PCDHGA9: variants seen among roughly 807,000 people sequenced by gnomAD.
PCDHGA9 encodes protocadherin gamma subfamily A, 9.
PCDHGA9 carries 37 observed loss-of-function variants against 62.5 expected under a neutral mutation model. That is an observed-to-expected ratio of 0.59 (90% CI 0.46 to 0.78). The LOEUF (loss-of-function observed/expected upper bound fraction) is 0.78. Ranked by LOEUF, PCDHGA9 falls within the 30% of genes least tolerant of loss-of-function variation. The pLI is 0.00. For missense variants in PCDHGA9, 1,138 were observed against 1,166.2 expected (o/e 0.98, Z 0.35); for synonymous variants, 459 against 484.6 (o/e 0.95, Z 0.69).
Position 141,476,698 on chromosome 5 carries a change from G to C in PCDHGA9, c.2425-18109G>C, listed in dbSNP as rs2075661. Reference sequence around the variant, plus strand: ...CGCGGGAGGACAGCACCAAGTACGCGGAGCTGGTGTTGGAGCGCGCCCTGG... The same window carrying C: ...CGCGGGAGGACAGCACCAAGTACGCCGAGCTGGTGTTGGAGCGCGCCCTGG... On this transcript the variant is annotated intron_variant, in intron 1 of 3. Transcript: ENST00000573521. The surrounding 1 kb of genome is among the most constrained non-coding windows in gnomAD (Gnocchi z 7.6). The C allele has an allele frequency of 0.2, 326,683 of 1,614,030 alleles. 35,085 individuals carry two copies. Among genetic ancestry groups the C allele is most frequent in the Admixed American group, 0.37 (22,021 of 59,992 alleles).
At chr5:141,464,870 C>G (rs1488189681) in intron 1 of PCDHGA9, among the ~76,000 whole-genome samples, 1 of 152,126 alleles carries the variant, frequency 6.6e-6, no homozygotes, top group Non-Finnish European at 1.5e-5. Flanking sequence ...TCCCAAGTAG[C>G]TAGGACTACA....
chr5:141,481,913 C>CAAAAAAAAAAAAA (rs34114744), intron 1 of PCDHGA9, among the ~76,000 whole-genome samples: 1 of 90,852 alleles, frequency 1.1e-5, no homozygotes. Flanking sequence ...AACTCCATCT[C>CAAAAAAAAAAAAA]AAAAAAAAAA....
Position 141,490,389 on chromosome 5 carries a change from T to C in PCDHGA9, c.2425-4418T>C, listed in dbSNP as rs1221410350. The C allele has an allele frequency of 6.2e-7, 1 of 1,614,174 alleles. No homozygotes were observed. Among genetic ancestry groups the C allele is most frequent in the African/African-American group, 1.3e-5 (1 of 75,040 alleles). On this transcript the variant is annotated intron_variant, in intron 1 of 3. Transcript: ENST00000573521. The surrounding 1 kb of genome is among the most constrained non-coding windows in gnomAD (Gnocchi z 5.4). The stretch of plus-strand genomic sequence containing the variant: ...GAGACCGGGACTCAGGTAGAAATGG[T>C]GAAGTGAGCCTTGATATCTCTCCGG...
chr5:141,420,683 G>A (rs1308504595), intron 1 of PCDHGA9, among the ~76,000 whole-genome samples: 1 of 152,190 alleles, frequency 6.6e-6, no homozygotes, highest in Non-Finnish European at 1.5e-5. Context: ...ATTTTATCGG[G>A]ACCGTATTAT....
intron 1 of PCDHGA9, chr5:141,423,619 T>A (rs1389600826): frequency 1.2e-6 from 2 of 1,608,208 alleles, no homozygotes; most frequent in Non-Finnish European, 1.7e-6. Context: ...AGCTGAAGAC[T>A]CAGCTATCAT....
Position 141,406,695 on chromosome 5 carries a change from A to T in PCDHGA9, c.2424+1319A>T, listed in dbSNP as rs62378452. Among the ~76,000 whole-genome samples, 1,219 of 152,310 alleles carry T rather than the reference A, an allele frequency of 8.0e-3. 8 individuals are homozygous for T. Among genetic ancestry groups the T allele is most frequent in the Non-Finnish European group, 0.011 (770 of 68,010 alleles). Reference sequence around the variant, plus strand: ...GAATAGTAGGACATTCTTCTTTTCTATAGTATATGCTTGCTCAAGAGAAGT... The same window carrying T: ...GAATAGTAGGACATTCTTCTTTTCTTTAGTATATGCTTGCTCAAGAGAAGT... On this transcript the variant is annotated intron_variant, in intron 1 of 3. Coordinates refer to ENST00000573521, the MANE Select transcript of PCDHGA9 (RefSeq NM_018921.3).
chr5:141,408,295 G>A (rs1185231517), intron 1 of PCDHGA9: 8 of 1,613,700 alleles, frequency 5.0e-6, no homozygotes, highest in East Asian at 2.2e-5. Flanking sequence ...CCCTGAGTGA[G>A]CCGATCCGCT....
intron 1 of PCDHGA9, chr5:141,423,749 TTGGGGGGGGGG>T: frequency 3.7e-6 from 1 of 272,202 alleles, no homozygotes; most frequent in Non-Finnish European, 4.7e-6. Context: ...TGAAAACTGT[TTGGGGGGGGGG>T]TGGGGCGGCA....
chr5:141,429,960 A>C (rs981722031), intron 1 of PCDHGA9, among the ~76,000 whole-genome samples: 2 of 152,244 alleles, frequency 1.3e-5, no homozygotes, highest in African/African-American at 4.8e-5. Flanking sequence ...AGTCAATGCA[A>C]GTTGGAATGC....
At chr5:141,410,688 A>G in intron 1 of PCDHGA9, 1 of 1,519,164 alleles carries the variant, frequency 6.6e-7, no homozygotes, top group South Asian at 1.3e-5. Flanking sequence ...TAGGCATACT[A>G]CTTTATTTTC....
chr5:141,429,651 C>G (rs62379161), intron 1 of PCDHGA9, among the ~76,000 whole-genome samples: 5,146 of 152,188 alleles, frequency 0.034, 101 homozygotes, highest in Middle Eastern at 0.088. Context: ...TATTTCTTCC[C>G]AATTTAAAAT....
rs1425448852 is a variant in PCDHGA9, at chr5:141,493,717, C to T, written c.2425-1090C>T. Among the ~76,000 whole-genome samples the T allele has an allele frequency of 1.3e-5, 2 of 152,208 alleles. No individual in the cohort carries two copies. The highest frequency in any genetic ancestry group is 3.8e-4 in the East Asian group (2 of 5,202). On this transcript the variant is annotated intron_variant, in intron 1 of 3. Coordinates refer to ENST00000573521, the MANE Select transcript of PCDHGA9 (RefSeq NM_018921.3). This position sits in a 1 kb window ranked among gnomAD's most constrained non-coding sequence, Gnocchi z 4.3. ...CCGATACACCTGGAATGCTAGGTTT[C>T]TGGGTTCTGCTCATATCACTGCCAC...
In PCDHGA9 at chr5:141,491,250, C is replaced by T. The variant is rs1328621598; in HGVS notation, c.2425-3557C>T. The T allele has an allele frequency of 6.2e-7, 1 of 1,614,148 alleles. No individual in the cohort carries two copies. Among genetic ancestry groups the T allele is most frequent in the South Asian group, 1.1e-5 (1 of 91,092 alleles). ...TGCTGCTGGTTCTGGAGGATGAGGA[C>T]CCTGAGGAAATGCCCAAATCCAGTG... On this transcript the variant is annotated intron_variant, in intron 1 of 3. Transcript: ENST00000573521. The surrounding 1 kb of genome is among the most constrained non-coding windows in gnomAD (Gnocchi z 6.9).
chr5:141,496,888 T>TAAA (rs35063790), intron 2 of PCDHGA9, among the ~76,000 whole-genome samples: 5 of 134,118 alleles, frequency 3.7e-5, no homozygotes, highest in East Asian at 4.4e-4. Context: ...AAGTAACACT[T>TAAA]AAAAAAAAAA....
chr5:141,503,471 C>A (rs2099820129), intron 2 of PCDHGA9, among the ~76,000 whole-genome samples: 1 of 151,836 alleles, frequency 6.6e-6, no homozygotes, highest in African/African-American at 2.4e-5. Context: ...GGCATGTGTG[C>A]ACTTGTCGTC....
At chr5:141,425,159 G>T (rs557552439) in intron 1 of PCDHGA9, among the ~76,000 whole-genome samples, 1 of 152,244 alleles carries the variant, frequency 6.6e-6, no homozygotes, top group Non-Finnish European at 1.5e-5. Context: ...AGCATCTAGG[G>T]ATAGGATTTA....
chr5:141,420,009 A>T, intron 1 of PCDHGA9: 1 of 1,614,088 alleles, frequency 6.2e-7, no homozygotes, highest in Non-Finnish European at 8.5e-7. Context: ...CGCCTGCGAC[A>T]GTCTTTCAGC....
chr5:141,415,740 GTTTTTTTTTTTTTT>G (rs57426385), intron 1 of PCDHGA9: 52 of 625,016 alleles, frequency 8.3e-5, no homozygotes, highest in East Asian at 4.1e-4. Context: ...GTTTATTAAG[GTTTTTTTTTTTTTT>G]TTTTTTTTTT....
At chr5:141,417,602 C>G in intron 1 of PCDHGA9, 1 of 510,170 alleles carries the variant, frequency 2.0e-6, no homozygotes, top group Middle Eastern at 5.2e-4. Context: ...TGGGCGCCGC[C>G]GTCGGCCAGT....
Sources: gnomAD v4.1 joint callset for allele counts (sites outside exome capture counted in the v4.1 genomes callset) on GRCh38, gnomAD v4.1.1 for gene constraint, Gnocchi (gnomAD v3.1) non-coding constraint, MANE v1.5 for transcripts, NCBI Gene and HGNC (gene_info 2026-07-23, HGNC 2026-07-21) for gene names.